DLST: variants seen among roughly 807,000 people sequenced by gnomAD.
The protein encoded by DLST is dihydrolipoamide S-succinyltransferase.
Under a neutral mutation model 53.1 loss-of-function variants are expected in DLST, and 17 were observed. The ratio of observed to expected loss-of-function variants is 0.32; its 90% CI spans 0.22 to 0.48. DLST has a LOEUF of 0.48. DLST is among the 20% of genes least tolerant of loss of function. DLST has a pLI of 0.99. For synonymous variants in DLST, 206 were observed against 204.8 expected (o/e 1.01, Z -0.05); for missense variants, 512 against 583.9 (o/e 0.88, Z 1.27).
At position 74,891,089 on chromosome 14, in the gene DLST, G is replaced by A. The variant is rs769015283; in HGVS notation, c.364G>A (p.Val122Met). The change falls in exon 7 of 15, where the codon GTG becomes ATG. Residue 122 changes from valine to methionine, a missense_variant. Physicochemically the swap from Val to Met is conservative, Grantham distance 21. Around this residue, in one of 4 missense-constraint regions of DLST, gnomAD observed 35 missense variants for 70.5 expected, o/e 0.50. Coordinates refer to ENST00000334220, the MANE Select transcript of DLST (RefSeq NM_001933.5). Reference sequence around the variant, plus strand: ...GCAGGTTCCATCACCAGCAAATGGCGTGATTGAAGCTCTTTTGGTACCTGA... The same window carrying A: ...GCAGGTTCCATCACCAGCAAATGGCATGATTGAAGCTCTTTTGGTACCTGA... ...SVQVPSPANGVIEALLVPDGG... is the reference protein window; with the variant it reads ...SVQVPSPANGMIEALLVPDGG... 8.6e-5 allele frequency: 139 copies of A among 1,613,668 alleles called. No individual in the cohort carries two copies. Among genetic ancestry groups the A allele is most frequent in the Admixed American group, 5.0e-5 (3 of 60,014 alleles).
At position 74,901,142 on chromosome 14, in the gene DLST, C is replaced by T. The variant is rs1884234187; in HGVS notation, c.1136C>T (p.Ser379Leu). The change falls in exon 14 of 15, where the codon TCG (serine) becomes TTG (leucine). Residue 379 changes from serine to leucine, a missense_variant. Physicochemically the swap from Ser to Leu is moderately radical, Grantham distance 145 (BLOSUM62 -2). Transcript: ENST00000334220. Reference protein sequence around the residue: ...FTISNGGVFGSLFGTPIINPP... With the variant: ...FTISNGGVFGLLFGTPIINPP... Reference sequence around the variant, plus strand: ...ATTAGCAATGGAGGCGTTTTTGGCTCGCTCTTTGGAACACCCATTATCAAC... The same window carrying T: ...ATTAGCAATGGAGGCGTTTTTGGCTTGCTCTTTGGAACACCCATTATCAAC... 6.2e-6 allele frequency: 10 copies of T among 1,613,954 alleles called. No individual in the cohort carries two copies. The highest frequency in any genetic ancestry group is 4.4e-5 in the South Asian group (4 of 91,090).
chr14:74,884,805 T>C (rs1883647494), intron 2 of DLST, among the ~76,000 whole-genome samples: 1 of 152,152 alleles, frequency 6.6e-6, no homozygotes, highest in African/African-American at 2.4e-5. Context: ...CTAGCTCTCA[T>C]TTGGTGTGTC....
At chr14:74,901,681 T>C (rs1239440256) in intron 14 of DLST, among the ~76,000 whole-genome samples, 1 of 152,190 alleles carries the variant, frequency 6.6e-6, no homozygotes, top group Non-Finnish European at 1.5e-5. Context: ...GAGCTGGCCC[T>C]TAGAAGATAC....
At chr14:74,895,935 C>T (rs1884065531) in intron 10 of DLST, among the ~76,000 whole-genome samples, 1 of 152,174 alleles carries the variant, frequency 6.6e-6, no homozygotes, top group African/African-American at 2.4e-5. Flanking sequence ...CCTATAGTCT[C>T]AGCTACTTGG....
At chr14:74,884,403 A>G (rs59159639) in intron 2 of DLST, among the ~76,000 whole-genome samples, 48,851 of 152,034 alleles carry the variant, frequency 0.32, 9,384 homozygotes, top group African/African-American at 0.53. Flanking sequence ...TGGGCAGGAC[A>G]ATGGAAAGAG....
In DLST at chr14:74,894,420, T is replaced by C; in HGVS notation, c.770+11T>C. 1.2e-6 allele frequency: 2 copies of C among 1,613,640 alleles called. No individual in the cohort carries two copies. The highest frequency in any genetic ancestry group is 1.7e-6 in the Non-Finnish European group (2 of 1,179,654). Reference sequence around the variant, plus strand: ...TGAGATTGACATGAGGTAGTGTCTCTAGTCCCTCTTATCCCCTAGGCCCCT... The same window carrying C: ...TGAGATTGACATGAGGTAGTGTCTCCAGTCCCTCTTATCCCCTAGGCCCCT... On this transcript the variant is annotated intron_variant, in intron 10 of 14. Transcript: ENST00000334220.
At chr14:74,898,786 C>G (rs768912092) in intron 11 of DLST, among the ~76,000 whole-genome samples, 1 of 152,206 alleles carries the variant, frequency 6.6e-6, no homozygotes, top group Non-Finnish European at 1.5e-5. Context: ...TGTCTCCTGT[C>G]AAGGTGGAAG....
At chr14:74,882,552 C>T (rs764609338) in intron 1 of DLST, 39 bp from the exon 2 acceptor site, 2 of 1,604,822 alleles carry the variant, frequency 1.2e-6, no homozygotes, top group African/African-American at 1.3e-5. Context: ...GTTTTTTTTT[C>T]ATCTTGGGTG....
chr14:74,894,494 C>G, intron 10 of DLST, 85 bp downstream of exon 10: 2 of 1,300,442 alleles, frequency 1.5e-6, no homozygotes, highest in Non-Finnish European at 2.1e-6. Context: ...AGTGCTGATT[C>G]TAAAACTAAC....
chr14:74,898,217 T>G, intron 10 of DLST, 152 bp from the exon 11 acceptor site: 1 of 945,254 alleles, frequency 1.1e-6, no homozygotes, highest in Non-Finnish European at 1.6e-6. Context: ...GTTACTGTGT[T>G]AACCTCAGGT....
intron 10 of DLST, among the ~76,000 whole-genome samples, chr14:74,897,944 T>G (rs999789886): frequency 6.6e-6 from 1 of 151,970 alleles, no homozygotes; most frequent in Admixed American, 6.5e-5. Flanking sequence ...TGGGGTTTTT[T>G]TTTTTTTTTT....
intron 3 of DLST, chr14:74,885,867 G>T: frequency 4.5e-6 from 2 of 444,168 alleles, no homozygotes; most frequent in South Asian, 4.3e-5. Flanking sequence ...ACAGGTGTTT[G>T]GATTATAATG....
At chr14:74,888,769 C>T (rs186285764) in intron 3 of DLST, among the ~76,000 whole-genome samples, 2 of 152,200 alleles carry the variant, frequency 1.3e-5, no homozygotes, top group East Asian at 1.9e-4. Context: ...GACCAAGGTG[C>T]TTATTTTTTT....
intron 2 of DLST, among the ~76,000 whole-genome samples, chr14:74,883,294 CA>C (rs35879783): frequency 0.026 from 1,736 of 67,254 alleles, 9 homozygotes; most frequent in African/African-American, 0.055. Context: ...GACTCCATCT[CA>C]AAAAAAAAAA....
At chr14:74,891,195 T>G in intron 7 of DLST, 28 bp downstream of exon 7, 1 of 1,613,774 alleles carries the variant, frequency 6.2e-7, no homozygotes, top group Non-Finnish European at 8.5e-7. Context: ...GTGGTCAAGG[T>G]CTCCAGTGTT....
chr14:74,883,322 C>T (rs1049336716), intron 2 of DLST, among the ~76,000 whole-genome samples: 14 of 149,770 alleles, frequency 9.3e-5, no homozygotes, highest in Non-Finnish European at 2.1e-4. Context: ...AAAGTTATGG[C>T]TAGCAGAATG....
chr14:74,901,967 TAAAAG>T (rs1210967768), intron 14 of DLST, among the ~76,000 whole-genome samples: 1 of 151,956 alleles, frequency 6.6e-6, no homozygotes, highest in African/African-American at 2.4e-5. Flanking sequence ...TTTTAAAAAA[TAAAAG>T]GCAGTTGTGA....
intron 7 of DLST, chr14:74,891,841 T>C (rs889750976): frequency 4.1e-6 from 4 of 985,416 alleles, no homozygotes; most frequent in Middle Eastern, 5.2e-4. Flanking sequence ...GACCGCATGA[T>C]TGAGGTTAGT....
chr14:74,885,583 C>T lies in DLST; in HGVS notation c.98-3C>T. ...TGGTTAAGAGTTATTTTGTTTCTTG[C>T]AGGGGTCTCCTTATGCCAGGGACCA... On this transcript the variant is annotated splice_region_variant and splice_polypyrimidine_tract_variant and intron_variant, in intron 2 of 14. Coordinates refer to ENST00000334220, the MANE Select transcript of DLST (RefSeq NM_001933.5). The T allele has an allele frequency of 6.2e-7, 1 of 1,614,034 alleles. No homozygotes were observed. Among genetic ancestry groups the T allele is most frequent in the Non-Finnish European group, 8.5e-7 (1 of 1,179,940 alleles).
Sources: allele counts gnomAD v4.1 joint callset (sites outside exome capture counted in the v4.1 genomes callset), GRCh38; gene constraint gnomAD v4.1.1; regional missense constraint gnomAD v4.1.1; transcripts MANE v1.5; gene names NCBI Gene and HGNC (gene_info 2026-07-23, HGNC 2026-07-21).